Variants in KDM4A observed in about 807,000 individuals in gnomAD.
KDM4A encodes the protein lysine-specific demethylase 4A.
Under a neutral mutation model 127.1 loss-of-function variants are expected in KDM4A, and 23 were observed. The ratio of observed to expected loss-of-function variants is 0.18; its 90% CI spans 0.13 to 0.26. The LOEUF is 0.26. Ranked by LOEUF, KDM4A falls within the 10% of genes least tolerant of loss-of-function variation. The pLI is 1.00. For missense variants in KDM4A, 890 were observed against 1,329.1 expected (o/e 0.67, Z 5.14); for synonymous variants, 443 against 466.5 (o/e 0.95, Z 0.65).
intron 20 of KDM4A, 100 bp from the exon 21 acceptor site, chr1:43,703,920 C>G (rs1251063476): frequency 1.4e-5 from 18 of 1,316,060 alleles, no homozygotes; most frequent in Non-Finnish European, 1.8e-5. Context: ...TTTTAGTGTT[C>G]TAACTCCTTC....
At position 43,703,655 on chromosome 1, in the gene KDM4A, G is replaced by A; in HGVS notation, c.2880G>A (p.Gly960=). 1 of 1,614,072 alleles carries A rather than the reference G, an allele frequency of 6.2e-7. No homozygotes were observed. The change falls in exon 20 of 22, where the codon GGG becomes GGA. Residue 960 remains glycine (G), a synonymous_variant. Transcript: ENST00000372396. The part of the protein sequence containing the change: ...DCLQFGPPAE[G]EVVQVRWTDG... The stretch of plus-strand genomic sequence containing the variant: ...TCCAGTTTGGTCCTCCTGCTGAAGG[G>A]GAAGTGGTCCAAGTGAGATGGACAG...
rs1352625054 is a variant in KDM4A at position 43,662,884 on chromosome 1, G to T, written c.430-10G>T. On this transcript the variant is annotated splice_polypyrimidine_tract_variant and intron_variant, in intron 4 of 21. Coordinates refer to ENST00000372396, the MANE Select transcript of KDM4A (RefSeq NM_014663.3). ...ATGTAACTTGCCCTGGACTGTCATTGCCTTTGCAGCATGTTGATGAGTGGA... is the reference window on the plus strand; with the variant it reads ...ATGTAACTTGCCCTGGACTGTCATTTCCTTTGCAGCATGTTGATGAGTGGA... The T allele has an allele frequency of 2.5e-6, 4 of 1,602,466 alleles. No individual in the cohort carries two copies. The highest frequency in any genetic ancestry group is 3.4e-6 in the Non-Finnish European group (4 of 1,172,434).
chr1:43,669,325 A>G, intron 10 of KDM4A, 26 bp downstream of exon 10: 1 of 1,606,006 alleles, frequency 6.2e-7, no homozygotes. Flanking sequence ...TGTATTTTCC[A>G]CAACCCTAAC....
At chr1:43,686,368 A>T (rs1476564530) in intron 12 of KDM4A, among the ~76,000 whole-genome samples, 9 of 135,012 alleles carry the variant, frequency 6.7e-5, no homozygotes, top group Middle Eastern at 8.7e-3. Flanking sequence ...AGTCTTACTC[A>T]CTCTGTTGCC....
chr1:43,679,781 T>C (rs142071398), intron 11 of KDM4A, among the ~76,000 whole-genome samples: 1 of 152,290 alleles, frequency 6.6e-6, no homozygotes, highest in East Asian at 1.9e-4. Context: ...GGGAGAACAA[T>C]TGGTTCTTCT....
At chr1:43,680,415 C>A (rs1660831252) in intron 11 of KDM4A, among the ~76,000 whole-genome samples, 1 of 152,214 alleles carries the variant, frequency 6.6e-6, no homozygotes, top group Admixed American at 6.5e-5. Flanking sequence ...TTGACCTTCA[C>A]CCTTCCACCT....
chr1:43,667,345 T>C (rs607062), intron 8 of KDM4A, among the ~76,000 whole-genome samples: 117,095 of 152,192 alleles, frequency 0.77, 46,029 homozygotes, highest in African/African-American at 0.92. Flanking sequence ...AATACTCTTG[T>C]TTATCCATTC....
intron 11 of KDM4A, among the ~76,000 whole-genome samples, chr1:43,682,652 T>A (rs1341004304): frequency 1.3e-5 from 2 of 152,220 alleles, no homozygotes; most frequent in Non-Finnish European, 2.9e-5. Flanking sequence ...GCAAAACTTG[T>A]TGGCAAAATG....
At chr1:43,695,003 A>G in intron 18 of KDM4A, 109 bp downstream of exon 18, 1 of 1,086,118 alleles carries the variant, frequency 9.2e-7, no homozygotes, top group Non-Finnish European at 1.3e-6. Flanking sequence ...ATTCTGCATT[A>G]TGAAGAGTGC....
At chr1:43,652,471 C>T (rs947000894) in intron 1 of KDM4A, among the ~76,000 whole-genome samples, 3 of 151,470 alleles carry the variant, frequency 2.0e-5, no homozygotes, top group Non-Finnish European at 4.4e-5. Context: ...AGAACCTTTT[C>T]GATCTGTATT....
intron 10 of KDM4A, among the ~76,000 whole-genome samples, chr1:43,671,010 T>A (rs1302137229): frequency 1.3e-5 from 2 of 152,246 alleles, no homozygotes; most frequent in African/African-American, 4.8e-5. Context: ...TGGTCCAACA[T>A]GATTTGTGAA....
chr1:43,693,501 T>C lies in KDM4A; in HGVS notation c.2376-493T>C, dbSNP rs1661170763. The stretch of plus-strand genomic sequence containing the variant: ...GGGTCAGACCTTAAAGATTAAAGAG[T>C]GAGTCAGCTATGGAAAAAGGGAGCA... On this transcript the variant is annotated intron_variant, in intron 16 of 21. Coordinates refer to ENST00000372396, the MANE Select transcript of KDM4A (RefSeq NM_014663.3). This position sits in a 1 kb window ranked among gnomAD's most constrained non-coding sequence, Gnocchi z 4.2. Among the ~76,000 whole-genome samples the C allele has an allele frequency of 6.6e-6, 1 of 151,884 alleles. No homozygotes were observed. The highest frequency in any genetic ancestry group is 2.4e-5 in the African/African-American group (1 of 41,326).
At chr1:43,663,918 G>A (rs183291667) in intron 5 of KDM4A, among the ~76,000 whole-genome samples, 104 of 152,250 alleles carry the variant, frequency 6.8e-4, no homozygotes, top group Non-Finnish European at 9.7e-4. Context: ...ACAGGCATGA[G>A]CCACTGTACC....
intron 11 of KDM4A, among the ~76,000 whole-genome samples, chr1:43,680,086 G>T (rs2154047895): frequency 6.6e-6 from 1 of 152,314 alleles, no homozygotes; most frequent in East Asian, 1.9e-4. Context: ...CCCAGGGAAG[G>T]CAGCACCATG....
intron 3 of KDM4A, among the ~76,000 whole-genome samples, chr1:43,656,329 GTTTTTTTTTTTTT>G (rs11438925): frequency 2.0e-4 from 11 of 54,178 alleles, no homozygotes; most frequent in African/African-American, 7.3e-4. Context: ...TCTGCTGTTG[GTTTTTTTTTTTTT>G]TTTTTTTTTT....
chr1:43,691,250 T>A (rs1661102593), intron 14 of KDM4A, among the ~76,000 whole-genome samples: 1 of 152,232 alleles, frequency 6.6e-6, no homozygotes. Flanking sequence ...TGGTTGCAGA[T>A]AGCAGAAAGG....
intron 11 of KDM4A, among the ~76,000 whole-genome samples, chr1:43,679,305 C>A (rs969236196): frequency 6.6e-6 from 1 of 152,076 alleles, no homozygotes; most frequent in East Asian, 1.9e-4. Context: ...CCTATGAAAC[C>A]CTCTGTAATG....
Position 43,671,665 on chromosome 1 carries a change from ATCT to A in KDM4A, c.1528_1530del (p.Ser511del), listed in dbSNP as rs1214241953. The stretch of plus-strand genomic sequence containing the variant: ...TCTTCTCAGGCTCCAAAAAGAAATC[ATCT>A]TCTAGCCTGGGCTCTGGCTCTTCAC... On this transcript the variant is annotated inframe_deletion, in exon 11 of 22. Coordinates refer to ENST00000372396, the MANE Select transcript of KDM4A (RefSeq NM_014663.3). 8 of 1,612,734 alleles carry A rather than the reference ATCT, an allele frequency of 5.0e-6. No homozygotes were observed. In the Admixed American group the frequency reaches 1.0e-4, roughly 20 times the overall value.
At chr1:43,697,731 A>T in intron 18 of KDM4A, 112 bp from the exon 19 acceptor site, 2 of 1,049,894 alleles carry the variant, frequency 1.9e-6, no homozygotes, top group Admixed American at 2.4e-5. Context: ...TTTTACTTTT[A>T]CTTTCCCATG....
Sources: gnomAD v4.1 joint callset for allele counts (sites outside exome capture counted in the v4.1 genomes callset) on GRCh38, gnomAD v4.1.1 for gene constraint, Gnocchi (gnomAD v3.1) non-coding constraint, MANE v1.5 for transcripts, NCBI Gene and HGNC (gene_info 2026-07-23, HGNC 2026-07-21) for gene names.